The following BICD1 variants were observed in gnomAD, a reference collection of about 807,000 sequenced individuals.
The protein encoded by BICD1 is BICD cargo adaptor 1, also known as protein bicaudal D homolog 1.
A neutral mutation model predicts 92.5 loss-of-function variants in BICD1; 35 were observed. The ratio of observed to expected loss-of-function variants is 0.38; its 90% CI spans 0.29 to 0.50. The LOEUF (loss-of-function observed/expected upper bound fraction) is 0.50, where lower values mean the gene tolerates loss of function less well. Among genes scored for constraint, BICD1 ranks in the 20% least tolerant of loss-of-function variants. The probability of loss-of-function intolerance (pLI) is 0.93; values close to 1 mark genes in which losing one functional copy is unlikely to be tolerated. For missense variants in BICD1, 950 were observed against 1,189.8 expected (o/e 0.80, Z 2.97); for synonymous variants, 429 against 465.1 (o/e 0.92, Z 1.00).
intron 2 of BICD1, among the ~76,000 whole-genome samples, chr12:32,292,575 T>G (rs372919321): frequency 6.6e-6 from 1 of 152,232 alleles, no homozygotes; most frequent in Non-Finnish European, 1.5e-5. Context: ...GTCAATATAT[T>G]AGTGAGATTC....
At chr12:32,375,208 C>G (rs7134627) in intron 9 of BICD1, among the ~76,000 whole-genome samples, 1 of 151,054 alleles carries the variant, frequency 6.6e-6, no homozygotes, top group African/African-American at 2.4e-5. Flanking sequence ...TACAGGCGTG[C>G]GCCACCGCGC....
intron 4 of BICD1, among the ~76,000 whole-genome samples, chr12:32,311,341 A>G (rs1284674892): frequency 6.6e-6 from 1 of 152,126 alleles, no homozygotes; most frequent in African/African-American, 2.4e-5. Flanking sequence ...ACTAAAAAAA[A>G]TACAAAAATT....
intron 1 of BICD1, among the ~76,000 whole-genome samples, chr12:32,137,089 T>G (rs780841878): frequency 1.2e-4 from 18 of 152,108 alleles, no homozygotes; most frequent in Non-Finnish European, 4.4e-5. Context: ...TGTTGTTGTT[T>G]TTGTTTTTGT....
chr12:32,327,256 C>T (rs1948802191), intron 4 of BICD1, among the ~76,000 whole-genome samples: 1 of 152,182 alleles, frequency 6.6e-6, no homozygotes, highest in African/African-American at 2.4e-5. Flanking sequence ...TAACTACTTG[C>T]AGTATAATTC....
rs58895470 is a variant in BICD1, at chr12:32,225,621, G to GT, written c.426+9182dup. On this transcript the variant is annotated intron_variant, in intron 2 of 9. Transcript: ENST00000652176. ...TGGTATTTGACAGTTCTTTTTTTCTGTTTTTTTTTTTTTTTTTTTTAGACG... is the reference window on the plus strand; with the variant it reads ...TGGTATTTGACAGTTCTTTTTTTCTGTTTTTTTTTTTTTTTTTTTTTAGACG... Among the ~76,000 whole-genome samples the GT allele has an allele frequency of 7.5e-4, 70 of 92,780 alleles. 2 individuals carry two copies. The highest frequency in any genetic ancestry group is 9.5e-4 in the African/African-American group (26 of 27,404). The allele number at this position is 92,780 out of a possible 152,430, so 60.9% of individuals were successfully genotyped here.
chr12:32,197,745 G>A (rs1944766158), intron 1 of BICD1, among the ~76,000 whole-genome samples: 1 of 152,150 alleles, frequency 6.6e-6, no homozygotes. Context: ...ATACAGATCA[G>A]CAATACGTAA....
intron 3 of BICD1, among the ~76,000 whole-genome samples, chr12:32,298,870 CAAAAAAAA>C (rs59280755): frequency 1.8e-5 from 1 of 56,112 alleles, no homozygotes; most frequent in African/African-American, 6.2e-5. Context: ...AACTCCATCT[CAAAAAAAA>C]AAAAAAAAAA....
intron 1 of BICD1, among the ~76,000 whole-genome samples, chr12:32,137,869 T>C (rs1942783738): frequency 6.6e-6 from 1 of 151,844 alleles, no homozygotes; most frequent in African/African-American, 2.4e-5. Flanking sequence ...GCGATCTCAG[T>C]TCACTGCAAC....
At chr12:32,341,463 C>A (rs77511055) in intron 8 of BICD1, among the ~76,000 whole-genome samples, 565 of 121,334 alleles carry the variant, frequency 4.7e-3, no homozygotes, top group South Asian at 7.2e-3. Context: ...GACACTGTCT[C>A]AAAAAAAAAA....
At chr12:32,321,670 G>T (rs1255862199) in intron 4 of BICD1, among the ~76,000 whole-genome samples, 1 of 152,104 alleles carries the variant, frequency 6.6e-6, no homozygotes, top group Non-Finnish European at 1.5e-5. Flanking sequence ...AAGCTTTAAA[G>T]TGCTTTGCAT....
chr12:32,222,683 A>C (rs1945569260), intron 2 of BICD1, among the ~76,000 whole-genome samples: 1 of 152,224 alleles, frequency 6.6e-6, no homozygotes, highest in Non-Finnish European at 1.5e-5. Flanking sequence ...ATGCACTGAA[A>C]CTTAATCATC....
chr12:32,271,055 T>G (rs539649109), intron 2 of BICD1, among the ~76,000 whole-genome samples: 1 of 152,290 alleles, frequency 6.6e-6, no homozygotes, highest in East Asian at 1.9e-4. Flanking sequence ...CAAAAGAAGA[T>G]GCTCACACTT....
At chr12:32,215,683 C>G (rs1945334607) in intron 1 of BICD1, among the ~76,000 whole-genome samples, 1 of 151,980 alleles carries the variant, frequency 6.6e-6, no homozygotes, top group South Asian at 2.1e-4. Context: ...GGCGCGGTGG[C>G]TTATGCCTGT....
At position 32,339,265 on chromosome 12, in the gene BICD1, T is replaced by TTGGATCCTATTTGCAGTTTGG. The variant is rs1240521505; in HGVS notation, c.2764+288_2764+308dup. On this transcript the variant is annotated intron_variant, in intron 8 of 9. Coordinates refer to ENST00000652176, the MANE Select transcript of BICD1 (RefSeq NM_001714.4). ...AGCAACAAGCACAACGCACACACAC[T>TTGGATCCTATTTGCAGTTTGG]TGGATCCTATTTGCAGTTTGGTAGC... 5.5e-5 allele frequency: 60 copies of TTGGATCCTATTTGCAGTTTGG among 1,095,654 alleles called. No individual in the cohort carries two copies. The African/African-American group carries it at 9.6e-4, about 18-fold the overall frequency. The allele number at this position is 1,095,654 out of a possible 1,614,324, so 67.9% of individuals were successfully genotyped here.
Position 32,306,142 on chromosome 12 carries a change from C to T in BICD1, c.1005+20C>T. The stretch of plus-strand genomic sequence containing the variant: ...ATGCAGGTAAGAACTTTGTTTAGGG[C>T]CGCTAGAGTGAATTTCTTGTAGATT... On this transcript the variant is annotated intron_variant, in intron 4 of 9. Transcript: ENST00000652176. 1 of 1,537,240 alleles carries T rather than the reference C, an allele frequency of 6.5e-7. No homozygotes were observed. The highest frequency in any genetic ancestry group is 1.3e-5 in the South Asian group (1 of 77,566).
chr12:32,357,964 G>C (rs749614873), intron 8 of BICD1, among the ~76,000 whole-genome samples: 1 of 152,086 alleles, frequency 6.6e-6, no homozygotes, highest in Non-Finnish European at 1.5e-5. Context: ...GGGCGTGGGT[G>C]GACAGTCAGA....
chr12:32,231,499 A>G (rs1252864850), intron 2 of BICD1, among the ~76,000 whole-genome samples: 2 of 151,950 alleles, frequency 1.3e-5, no homozygotes, highest in Non-Finnish European at 2.9e-5. Context: ...CAGAATCCAA[A>G]TGTTGAACAT....
At chr12:32,333,332 A>G in intron 5 of BICD1, 1 of 919,420 alleles carries the variant, frequency 1.1e-6, no homozygotes, top group Non-Finnish European at 1.3e-6. Context: ...TTTTATGAGT[A>G]AAGTCTCATT....
chr12:32,312,887 A>G (rs1230437160), intron 4 of BICD1, among the ~76,000 whole-genome samples: 16 of 152,138 alleles, frequency 1.1e-4, no homozygotes. Context: ...TGCCCTCAAG[A>G]CCTCATTATT....
Sources: allele counts gnomAD v4.1 joint callset (sites outside exome capture counted in the v4.1 genomes callset), GRCh38; gene constraint gnomAD v4.1.1; transcripts MANE v1.5; gene names NCBI Gene and HGNC (gene_info 2026-07-23, HGNC 2026-07-21).